GABRG3: variants seen among roughly 807,000 people sequenced by gnomAD.
The protein encoded by GABRG3 is gamma-aminobutyric acid type A receptor subunit gamma3.
Under a neutral mutation model 48.8 loss-of-function variants are expected in GABRG3, and 25 were observed. The observed-to-expected ratio is 0.51, with a 90% confidence interval of 0.37 to 0.72. The LOEUF is 0.72. Among genes scored for constraint, GABRG3 ranks in the 30% least tolerant of loss-of-function variants. The pLI, the probability that GABRG3 is intolerant of heterozygous loss-of-function variation, is 0.00. For missense variants in GABRG3, 394 were observed against 577.9 expected (o/e 0.68, Z 3.26); for synonymous variants, 227 against 217.6 (o/e 1.04, Z -0.38).
At chr15:27,039,865 CT>C (rs993939223) in intron 3 of GABRG3, among the ~76,000 whole-genome samples, 28 of 152,234 alleles carry the variant, frequency 1.8e-4, no homozygotes, top group African/African-American at 6.3e-4. Flanking sequence ...CCTATTGCCC[CT>C]GGAATCTTAC....
At chr15:26,992,542 C>G (rs1895268245) in intron 2 of GABRG3, among the ~76,000 whole-genome samples, 1 of 152,042 alleles carries the variant, frequency 6.6e-6, no homozygotes, top group Non-Finnish European at 1.5e-5. Context: ...TATGTTGAAC[C>G]CTTCTTGCAT....
intron 2 of GABRG3, among the ~76,000 whole-genome samples, chr15:27,004,041 C>A (rs1895523535): frequency 6.7e-6 from 1 of 149,682 alleles, no homozygotes; most frequent in South Asian, 2.1e-4. Context: ...GAACCCCCAA[C>A]TCCCTCCCGG....
chr15:27,206,701 C>T (rs903213035), intron 3 of GABRG3, among the ~76,000 whole-genome samples: 5 of 152,094 alleles, frequency 3.3e-5, no homozygotes, highest in Non-Finnish European at 7.4e-5. Context: ...TTTTATTAGT[C>T]TCTACAAACT....
chr15:27,089,210 C>T (rs1897143111), intron 3 of GABRG3, among the ~76,000 whole-genome samples: 1 of 152,160 alleles, frequency 6.6e-6, no homozygotes, highest in South Asian at 2.1e-4. Context: ...GCAGGGAAGG[C>T]AGAACGGTGG....
Position 27,519,995 on chromosome 15 carries a change from T to C in GABRG3, c.736T>C (p.Tyr246His), listed in dbSNP as rs1283642470. The change falls in exon 7 of 10, where the codon TAT becomes CAT. Residue 246 changes from tyrosine to histidine, a missense_variant. Physicochemically the swap from Tyr to His is moderately conservative, Grantham distance 83. Coordinates refer to ENST00000615808, the MANE Select transcript of GABRG3 (RefSeq NM_033223.5). ...SAGDYVVMTI[Y>H]FELSRRMGYF... ...AGGTGATTATGTTGTCATGACTATA[T>C]ATTTTGAATTGAGTAGAAGAATGGG... The C allele has an allele frequency of 6.4e-7, 1 of 1,568,194 alleles. No homozygotes were observed. The highest frequency in any genetic ancestry group is 1.9e-5 in the Admixed American group (1 of 51,986).
chr15:27,520,253 T>G (rs1235826660), intron 7 of GABRG3, 129 bp downstream of exon 7: 1 of 996,802 alleles, frequency 1.0e-6, no homozygotes, highest in Non-Finnish European at 1.5e-6. Flanking sequence ...TGAACCATGC[T>G]TAGAATTTTC....
chr15:26,977,174 T>G, intron 2 of GABRG3, 24 bp downstream of exon 2: 1 of 1,599,980 alleles, frequency 6.3e-7, no homozygotes, highest in Non-Finnish European at 8.5e-7. Flanking sequence ...TTTGTTATTC[T>G]AATAGAAAAA....
rs2140538483 is a variant in GABRG3 at position 27,352,698 on chromosome 15, A to T, written c.574+23810A>T. Among the ~76,000 whole-genome samples, 1 of 152,200 alleles carries T rather than the reference A, an allele frequency of 6.6e-6. No homozygotes were observed. Among genetic ancestry groups the T allele is most frequent in the Non-Finnish European group, 1.5e-5 (1 of 68,010 alleles). ...CCGTTGGGTGATATCGGTCTTGGTT[A>T]TTGGTCCCTAGGATTGTGCTTGAGA... On this transcript the variant is annotated intron_variant, in intron 5 of 9. Transcript: ENST00000615808. This position sits in a 1 kb window ranked among gnomAD's most constrained non-coding sequence, Gnocchi z 4.0.
chr15:27,179,788 C>G lies in GABRG3; in HGVS notation c.271-147021C>G, dbSNP rs979937302. Among the ~76,000 whole-genome samples, 1 of 152,124 alleles carries G rather than the reference C, an allele frequency of 6.6e-6. No individual in the cohort carries two copies. The highest frequency in any genetic ancestry group is 2.4e-5 in the African/African-American group (1 of 41,432). ...GATGGAAGCCAAAGATGCACCGGGT[C>G]TTTGGAAAAGAAAACTATAATGATT... is the stretch of plus-strand genomic sequence containing the variant. On this transcript the variant is annotated intron_variant, in intron 3 of 9. Coordinates refer to ENST00000615808, the MANE Select transcript of GABRG3 (RefSeq NM_033223.5). The surrounding 1 kb of genome is among the most constrained non-coding windows in gnomAD (Gnocchi z 4.0).
At chr15:27,191,647 A>G (rs377456232) in intron 3 of GABRG3, among the ~76,000 whole-genome samples, 2 of 151,922 alleles carry the variant, frequency 1.3e-5, no homozygotes, top group African/African-American at 4.8e-5. Flanking sequence ...CCTGAATACA[A>G]CACACTGATG....
At chr15:27,028,870 A>C (rs892812930) in intron 3 of GABRG3, among the ~76,000 whole-genome samples, 3 of 151,964 alleles carry the variant, frequency 2.0e-5, no homozygotes, top group Admixed American at 6.6e-5. Context: ...CTGAAAAAAA[A>C]CAAAAACTAC....
chr15:27,292,488 G>T (rs1891828674), intron 3 of GABRG3, among the ~76,000 whole-genome samples: 1 of 151,572 alleles, frequency 6.6e-6, no homozygotes, highest in South Asian at 2.1e-4. Flanking sequence ...ATAGCAACTT[G>T]TTTTTATGTA....
chr15:27,161,930 C>T (rs1887205972), intron 3 of GABRG3, among the ~76,000 whole-genome samples: 1 of 152,142 alleles, frequency 6.6e-6, no homozygotes, highest in African/African-American at 2.4e-5. Flanking sequence ...ATGACAGGCT[C>T]TTCAAAGGAA....
intron 3 of GABRG3, among the ~76,000 whole-genome samples, chr15:27,042,591 G>A (rs763050474): frequency 1.4e-4 from 21 of 152,286 alleles, no homozygotes; most frequent in African/African-American, 3.1e-4. Context: ...ACCATGTCCC[G>A]CACACATCAC....
At chr15:27,473,446 A>G (rs562246440) in intron 5 of GABRG3, among the ~76,000 whole-genome samples, 2 of 152,368 alleles carry the variant, frequency 1.3e-5, no homozygotes, top group East Asian at 3.9e-4. Flanking sequence ...TGAATGTGTT[A>G]GAAGGTAGTT....
At chr15:27,485,990 A>G (rs1456419296) in intron 6 of GABRG3, among the ~76,000 whole-genome samples, 3 of 152,186 alleles carry the variant, frequency 2.0e-5, no homozygotes, top group Non-Finnish European at 4.4e-5. Flanking sequence ...CATAATGCCT[A>G]TTTGAACCTG....
intron 3 of GABRG3, among the ~76,000 whole-genome samples, chr15:27,232,103 C>T (rs1412741255): frequency 6.6e-6 from 1 of 151,978 alleles, no homozygotes; most frequent in African/African-American, 2.4e-5. Flanking sequence ...TGAAAATGAT[C>T]GACAAGAAGC....
chr15:27,209,574 A>G (rs1415733565), intron 3 of GABRG3, among the ~76,000 whole-genome samples: 1 of 152,088 alleles, frequency 6.6e-6, no homozygotes, highest in Non-Finnish European at 1.5e-5. Flanking sequence ...AGGCCCCAGT[A>G]CCCAGCAGGG....
chr15:27,203,197 A>G (rs1294313347), intron 3 of GABRG3, among the ~76,000 whole-genome samples: 1 of 151,894 alleles, frequency 6.6e-6, no homozygotes, highest in Non-Finnish European at 1.5e-5. Context: ...CTCACCTTCC[A>G]CCCTCCACCT....
Sources: allele counts gnomAD v4.1 joint callset (sites outside exome capture counted in the v4.1 genomes callset), GRCh38; gene constraint gnomAD v4.1.1; non-coding constraint Gnocchi (gnomAD v3.1); transcripts MANE v1.5; gene names NCBI Gene and HGNC (gene_info 2026-07-23, HGNC 2026-07-21).